Variants in KIAA1755 observed in about 807,000 individuals in gnomAD.
KIAA1755 encodes KIAA1755.
KIAA1755 carries 68 observed loss-of-function variants against 91.7 expected under a neutral mutation model. The ratio of observed to expected loss-of-function variants is 0.74; its 90% confidence interval spans 0.61 to 0.91. The LOEUF (loss-of-function observed/expected upper bound fraction) is 0.91. Ranked by LOEUF, KIAA1755 falls within the 40% of genes least tolerant of loss-of-function variation. KIAA1755 has a pLI of 0.00. For missense variants in KIAA1755, 1,535 were observed against 1,494.4 expected (o/e 1.03, Z -0.45); for synonymous variants, 610 against 604.6 (o/e 1.01, Z -0.13).
chr20:38,257,209 T>C (rs1405854973), intron 1 of KIAA1755, among the ~76,000 whole-genome samples: 3 of 152,262 alleles, frequency 2.0e-5, no homozygotes, highest in African/African-American at 2.4e-5. Context: ...ACCACGTCCT[T>C]ATAGAGGGCC....
At chr20:38,222,254 G>C (rs779529025) in intron 10 of KIAA1755, among the ~76,000 whole-genome samples, 195 bp downstream of exon 10, 13 of 152,380 alleles carry the variant, frequency 8.5e-5, no homozygotes, top group Non-Finnish European at 1.5e-4. Flanking sequence ...AGCAGAGAAG[G>C]GGCGAGGAAA....
chr20:38,260,134 G>C, intron 1 of KIAA1755: 1 of 1,200,612 alleles, frequency 8.3e-7, no homozygotes, highest in South Asian at 1.7e-5. Flanking sequence ...CTCCCTGCCG[G>C]GACAATGTGC....
At chr20:38,223,442 TC>T (rs2075696731) in intron 9 of KIAA1755, 95 bp downstream of exon 9, 5 of 761,252 alleles carry the variant, frequency 6.6e-6, no homozygotes, top group Non-Finnish European at 1.0e-5. Flanking sequence ...AATAATGTCC[TC>T]CCCCTTTTCC....
chr20:38,216,955 A>C, intron 13 of KIAA1755: 3 of 616,402 alleles, frequency 4.9e-6, no homozygotes, highest in East Asian at 3.5e-5. Flanking sequence ...AGACACATCT[A>C]TGTTCAAATC....
intron 2 of KIAA1755, among the ~76,000 whole-genome samples, chr20:38,242,134 G>C (rs1182204803): frequency 6.6e-6 from 1 of 152,182 alleles, no homozygotes; most frequent in African/African-American, 2.4e-5. Context: ...GGAAATCCTA[G>C]CCTACTGACC....
chr20:38,248,995 C>T (rs1430648558), intron 1 of KIAA1755, among the ~76,000 whole-genome samples: 1 of 152,090 alleles, frequency 6.6e-6, no homozygotes. Context: ...CCACCTCAGC[C>T]TCCCGAGTAG....
At chr20:38,256,533 C>T (rs1203786643) in intron 1 of KIAA1755, among the ~76,000 whole-genome samples, 8 of 152,120 alleles carry the variant, frequency 5.3e-5, no homozygotes, top group East Asian at 1.9e-4. Flanking sequence ...CTGGGTGTGG[C>T]GACTCATGCC....
At chr20:38,251,567 CTTT>C (rs35945102) in intron 1 of KIAA1755, among the ~76,000 whole-genome samples, 19 of 137,580 alleles carry the variant, frequency 1.4e-4, no homozygotes, top group East Asian at 4.1e-4. Flanking sequence ...CTATTATAGT[CTTT>C]TTTTTTTTTT....
chr20:38,231,424 T>C (rs970844779), intron 4 of KIAA1755, 99 bp from the exon 5 acceptor site: 1 of 1,305,108 alleles, frequency 7.7e-7, no homozygotes, highest in African/African-American at 1.5e-5. Flanking sequence ...ACGGTTCCTT[T>C]GCCTGGAACA....
In KIAA1755 at chr20:38,213,648, G is replaced by A. The variant is rs1246956218; in HGVS notation, c.2997C>T (p.His999=). The change falls in exon 14 of 14, where the codon CAC becomes CAT. Residue 999 remains histidine, a synonymous_variant. Transcript: ENST00000279024. ...CAGATGCCAGTCGCTGCAGGTAGCGGTGGAGGCGGCGCTGGTCCCCAGGAC... is the reference window on the plus strand; with the variant it reads ...CAGATGCCAGTCGCTGCAGGTAGCGATGGAGGCGGCGCTGGTCCCCAGGAC... ...RVSPGDQRRL[H]RYLQRLASEF... 6.2e-7 allele frequency: 1 copy of A among 1,609,184 alleles called. No individual in the cohort carries two copies. Among genetic ancestry groups the A allele is most frequent in the Non-Finnish European group, 8.5e-7 (1 of 1,177,898 alleles).
intron 5 of KIAA1755, 41 bp downstream of exon 5, chr20:38,231,161 T>C: frequency 6.3e-7 from 1 of 1,585,320 alleles, no homozygotes; most frequent in East Asian, 2.3e-5. Flanking sequence ...CCCAGAGGGT[T>C]GAGGTGGGGA....
At chr20:38,219,424 G>A (rs16987186) in intron 11 of KIAA1755, among the ~76,000 whole-genome samples, 4,361 of 152,316 alleles carry the variant, frequency 0.029, 177 homozygotes, top group African/African-American at 0.097. Context: ...AGCTCTTGGG[G>A]CTATGTTTTC....
chr20:38,213,923 A>G (rs1437965873), intron 13 of KIAA1755, among the ~76,000 whole-genome samples, 180 bp from the exon 14 acceptor site: 1 of 150,256 alleles, frequency 6.7e-6, no homozygotes, highest in East Asian at 1.9e-4. Context: ...ATCTGGAAAC[A>G]GCCCCCAAGC....
intron 6 of KIAA1755, 37 bp downstream of exon 6, chr20:38,228,110 G>T: frequency 6.6e-7 from 1 of 1,520,236 alleles, no homozygotes; most frequent in South Asian, 1.3e-5. Context: ...GTGGCTCCCA[G>T]GACTTACTAG....
At position 38,213,503 on chromosome 20, in the gene KIAA1755, G is replaced by C. The variant is rs1175660598; in HGVS notation, c.3142C>G (p.Leu1048Val). ...GAGCTGTGGGTCAGTGCCTTCTCCA[G>C]GAGCATCCGGATCTCCTCATGCCTG... Reference protein sequence around the residue: ...RIRHEEIRMLLEKALTHSSCP... With the variant: ...RIRHEEIRMLVEKALTHSSCP... Residue 1048 changes from leucine to valine, a missense_variant, in exon 14 of 14, where the codon CTG becomes GTG. Leu to Val is a conservative substitution (Grantham distance 32). Coordinates refer to ENST00000279024, the MANE Select transcript of KIAA1755 (RefSeq NM_001029864.2). 1.2e-6 allele frequency: 2 copies of C among 1,609,490 alleles called. No homozygotes were observed. Among genetic ancestry groups the C allele is most frequent in the African/African-American group, 2.7e-5 (2 of 74,882 alleles).
chr20:38,216,308 T>C (rs2123055643), intron 13 of KIAA1755, among the ~76,000 whole-genome samples: 1 of 152,324 alleles, frequency 6.6e-6, no homozygotes, highest in African/African-American at 2.4e-5. Context: ...TCTGCCTCCC[T>C]TGCCCACTGT....
At chr20:38,224,981 ATTTAT>A (rs1054029435) in intron 8 of KIAA1755, among the ~76,000 whole-genome samples, 8 of 151,978 alleles carry the variant, frequency 5.3e-5, no homozygotes, top group Non-Finnish European at 1.0e-4. Flanking sequence ...GTGCCTGTAA[ATTTAT>A]TTTATTTTAT....
Position 38,222,534 on chromosome 20 carries a change from G to A in KIAA1755, c.2332C>T (p.Leu778=). ...CCACCTTCCCGCTGGAGGCCCAGTA[G>A]GCCGGGGTCCCTCAGCACAGCCTCC... is the stretch of plus-strand genomic sequence containing the variant. ...LMEAVLRDPG[L]LGLQREGGAT... Residue 778 remains leucine, a synonymous_variant, in exon 10 of 14, where the codon CTA becomes TTA. Coordinates refer to ENST00000279024, the MANE Select transcript of KIAA1755 (RefSeq NM_001029864.2). 1 of 1,613,724 alleles carries A rather than the reference G, an allele frequency of 6.2e-7. No individual in the cohort carries two copies. The highest frequency in any genetic ancestry group is 8.5e-7 in the Non-Finnish European group (1 of 1,180,002).
At chr20:38,219,134 C>T (rs1482937301) in intron 11 of KIAA1755, among the ~76,000 whole-genome samples, 1 of 152,192 alleles carries the variant, frequency 6.6e-6, no homozygotes, top group East Asian at 1.9e-4. Flanking sequence ...TGAACCAGGG[C>T]TGTCTGATGC....
Sources: allele counts gnomAD v4.1 joint callset (sites outside exome capture counted in the v4.1 genomes callset), GRCh38; gene constraint gnomAD v4.1.1; transcripts MANE v1.5; gene names NCBI Gene and HGNC (gene_info 2026-07-23, HGNC 2026-07-21).